Variants in HMGB3 observed in about 807,000 individuals in gnomAD.
HMGB3 encodes high mobility group box 3.
A neutral mutation model predicts 12.9 loss-of-function variants in HMGB3; 1 was observed. The observed-to-expected ratio is 0.08, with a 90% CI of 0.03 to 0.37. HMGB3 has a LOEUF of 0.37. HMGB3 is among the 10% of genes least tolerant of loss of function. The pLI is 0.99. For missense variants in HMGB3, 74 were observed against 153.3 expected (o/e 0.48, Z 2.73); for synonymous variants, 61 against 53.9 (o/e 1.13, Z -0.57).
intron 1 of HMGB3, among the ~76,000 whole-genome samples, chrX:150,985,360 A>AAGT (rs1557425207): frequency 8.9e-6 from 1 of 112,007 alleles, no homozygotes; most frequent in Admixed American, 9.5e-5. Context: ...CGCTTTTGAG[A>AAGT]AGTAACTCGC....
upstream of HMGB3, among the ~76,000 whole-genome samples, chrX:150,982,198 G>A (rs915016204): frequency 3.6e-5 from 4 of 111,357 alleles, no homozygotes; most frequent in Non-Finnish European, 7.5e-5. Context: ...TCTTCCTTGC[G>A]TGGGACTGTC....
chrX:150,985,871 T>A, intron 2 of HMGB3, 122 bp downstream of exon 2: 1 of 861,458 alleles, frequency 1.2e-6, no homozygotes, highest in Admixed American at 3.0e-5. Context: ...TTAGAATCAT[T>A]TTTGCTTGTC....
chrX:150,985,133 T>G (rs143553570), intron 1 of HMGB3, among the ~76,000 whole-genome samples: 1 of 111,691 alleles, frequency 9.0e-6, no homozygotes, highest in Non-Finnish European at 1.9e-5. Flanking sequence ...TTTGGTCTTG[T>G]GTTCAGCAGT....
upstream of HMGB3, among the ~76,000 whole-genome samples, chrX:150,981,523 G>A (rs1391961856): frequency 1.9e-5 from 2 of 104,904 alleles, no homozygotes; most frequent in African/African-American, 7.0e-5. Context: ...AGGCTGGAGT[G>A]CAGTAGCATG....
Position 150,989,025 on chromosome X carries a change from A to G in HMGB3, c.*1111A>G, listed in dbSNP as rs1427679465. The G allele has an allele frequency of 8.9e-6, 1 of 111,791 alleles. No individual in the cohort carries two copies. The highest frequency in any genetic ancestry group is 3.3e-5 in the African/African-American group (1 of 30,730). The allele number at this position is 111,791 out of a possible 1,213,427, so 9.2% of individuals were successfully genotyped here. On this transcript the variant is annotated 3_prime_UTR_variant, in exon 5 of 5. Transcript: ENST00000325307. ...GCAAGGTTCAGCAGCCTTCCAAGGTATAGGAAGGTGGGTGATTAGGACTGA... is the reference window on the plus strand; with the variant it reads ...GCAAGGTTCAGCAGCCTTCCAAGGTGTAGGAAGGTGGGTGATTAGGACTGA...
chrX:150,987,742 G>A, intron 4 of HMGB3, 35 bp from the exon 5 acceptor site: 6 of 1,124,119 alleles, frequency 5.3e-6, no homozygotes, highest in Non-Finnish European at 4.9e-6. Flanking sequence ...TAAAACAGCC[G>A]CATACTCATT....
At position 150,988,781 on chromosome X, in the gene HMGB3, T is replaced by C. The variant is rs1230134273; in HGVS notation, c.*867T>C. ...TTACATTTTTAAAACTCTTCTCTAT[T>C]ATAACAGTCAATTTCTGACTCACAG... is the stretch of plus-strand genomic sequence containing the variant. On this transcript the variant is annotated 3_prime_UTR_variant, in exon 5 of 5. Transcript: ENST00000325307. 6.2e-5 allele frequency: 7 copies of C among 112,343 alleles called. No homozygotes were observed. The highest frequency in any genetic ancestry group is 1.9e-4 in the African/African-American group (6 of 30,880). The allele number at this position is 112,343 out of a possible 1,213,427, so 9.3% of individuals were successfully genotyped here. A position where few individuals can be genotyped will look rare whatever the true frequency, so the allele number is the denominator to read the frequency against.
At chrX:150,980,800 G>A (rs2047988329), upstream of HMGB3, among the ~76,000 whole-genome samples, 1 of 112,726 alleles carries the variant, frequency 8.9e-6, no homozygotes. Context: ...GGAATGCCCT[G>A]GGTGTGCCCA....
upstream of HMGB3, chrX:150,983,325 G>T (rs1468603133): frequency 7.8e-5 from 59 of 754,053 alleles, no homozygotes; most frequent in Middle Eastern, 7.6e-4. Flanking sequence ...AGGCTGGGGA[G>T]CGCTGAGCCG....
At chrX:150,985,537 C>G (rs2048043420) in intron 1 of HMGB3, 58 bp from the exon 2 acceptor site, 4 of 1,001,340 alleles carry the variant, frequency 4.0e-6, no homozygotes, top group Non-Finnish European at 5.4e-6. Flanking sequence ...TCTTGTACTT[C>G]TTGTCAATTC....
upstream of HMGB3, among the ~76,000 whole-genome samples, chrX:150,981,128 G>T (rs888930654): frequency 9.1e-6 from 1 of 110,213 alleles, no homozygotes; most frequent in Non-Finnish European, 1.9e-5. Context: ...GGCAGGTCAG[G>T]CCCTGGGAAA....
rs1391357355 is a variant in HMGB3 at position 150,988,212 on chromosome X, A to G, written c.*298A>G. 2 of 207,782 alleles carry G rather than the reference A, an allele frequency of 9.6e-6. No individual in the cohort carries two copies. Among genetic ancestry groups the G allele is most frequent in the Non-Finnish European group, 1.8e-5 (2 of 113,732 alleles). 17.1% of individuals were successfully genotyped at this position (207,782 alleles called of 1,213,427 possible). A position where few individuals can be genotyped will look rare whatever the true frequency, so the allele number is the denominator to read the frequency against. ...TGTGCACTTTGCTGTTGGTGTGACAAGGCATTTAAAGATGTTTCTGGCATT... is the reference window on the plus strand; with the variant it reads ...TGTGCACTTTGCTGTTGGTGTGACAGGGCATTTAAAGATGTTTCTGGCATT... On this transcript the variant is annotated 3_prime_UTR_variant, in exon 5 of 5. Transcript: ENST00000325307.
At chrX:150,986,617 T>C (rs541916323) in intron 3 of HMGB3, among the ~76,000 whole-genome samples, 13 of 111,246 alleles carry the variant, frequency 1.2e-4, no homozygotes, top group African/African-American at 4.2e-4. Context: ...CGCGTATATA[T>C]ACGCATATAT....
intron 3 of HMGB3, 27 bp downstream of exon 3, chrX:150,986,217 CAATT>C (rs782479205): frequency 8.2e-6 from 9 of 1,093,262 alleles, no homozygotes; most frequent in East Asian, 3.2e-5. Flanking sequence ...TTCAAGATAA[CAATT>C]AATACCTTTT....
chrX:150,984,038 G>T (rs868925617), intron 1 of HMGB3, among the ~76,000 whole-genome samples: 3 of 99,643 alleles, frequency 3.0e-5, no homozygotes, highest in Non-Finnish European at 4.1e-5. Context: ...CTCGCCTCCC[G>T]CCCGCCCGGC....
intron 1 of HMGB3, among the ~76,000 whole-genome samples, chrX:150,984,969 T>A (rs782448186): frequency 8.9e-6 from 1 of 111,807 alleles, no homozygotes; most frequent in Non-Finnish European, 1.9e-5. Flanking sequence ...ACCCTCCCCC[T>A]TTAGATAGTG....
intron 1 of HMGB3, chrX:150,984,586 G>A (rs2048031782): frequency 1.3e-6 from 1 of 747,210 alleles, no homozygotes; most frequent in Non-Finnish European, 1.6e-6. Context: ...GGATTTCAGG[G>A]GCACTTTCTT....
At chrX:150,983,697 C>A in intron 1 of HMGB3, 1 of 447,640 alleles carries the variant, frequency 2.2e-6, no homozygotes, top group Non-Finnish European at 2.8e-6. Flanking sequence ...GCCGGGAACC[C>A]AGGGCCCCCG....
Position 150,989,087 on chromosome X carries a change from CCT to C in HMGB3, c.*1174_*1175del, listed in dbSNP as rs1364672113. On this transcript the variant is annotated 3_prime_UTR_variant, in exon 5 of 5. Transcript: ENST00000325307. ...TTTAACTTTTGTCCCACCTCCACCC[CCT>C]ATTTTGTGGGGCCAAATGCATTGCT... 6 of 111,801 alleles carry C rather than the reference CCT, an allele frequency of 5.4e-5. No homozygotes were observed. The highest frequency in any genetic ancestry group is 2.0e-4 in the African/African-American group (6 of 30,705). 9.2% of individuals were successfully genotyped at this position (111,801 alleles called of 1,213,427 possible). A position where few individuals can be genotyped will look rare whatever the true frequency, so the allele number is the denominator to read the frequency against.
Sources: allele counts gnomAD v4.1 joint callset (sites outside exome capture counted in the v4.1 genomes callset), GRCh38; gene constraint gnomAD v4.1.1; transcripts MANE v1.5; gene names NCBI Gene and HGNC (gene_info 2026-07-23, HGNC 2026-07-21).